The following GOLGB1 variants were observed in gnomAD, a reference collection of about 807,000 sequenced individuals.
GOLGB1 encodes the protein golgin B1, also known as golgin subfamily B member 1.
In GOLGB1, 174 loss-of-function variants were observed where a neutral mutation model predicts 336.9. The observed-to-expected ratio is 0.52, with a 90% CI of 0.46 to 0.59. The LOEUF (loss-of-function observed/expected upper bound fraction) is 0.59. Among genes scored for constraint, GOLGB1 ranks in the 20% least tolerant of loss-of-function variants. The pLI is 0.00. For synonymous variants in GOLGB1, 1,208 were observed against 1,289.2 expected, an observed-to-expected ratio of 0.94 and a Z score of 1.35; for missense variants, 3,331 against 3,645.3, an observed-to-expected ratio of 0.91 and a Z score of 2.22.
At chr3:121,686,843 A>G (rs1357225255) in intron 14 of GOLGB1, among the ~76,000 whole-genome samples, 1 of 152,214 alleles carries the variant, frequency 6.6e-6, no homozygotes, top group Non-Finnish European at 1.5e-5. Flanking sequence ...TTGGGAGAAC[A>G]TTTTGGCTGC....
rs1942973693 is a variant in GOLGB1 at position 121,696,649 on chromosome 3, C to A, written c.3874G>T (p.Asp1292Tyr). 1 of 1,614,028 alleles carries A rather than the reference C, an allele frequency of 6.2e-7. No homozygotes were observed. Among genetic ancestry groups the A allele is most frequent in the African/African-American group, 1.3e-5 (1 of 74,928 alleles). ...GCATCTTCAGAATGAGAAGGCCAGT[C>A]TGGGCACAAGTTGGACTCTAAAACA... is the stretch of plus-strand genomic sequence containing the variant. ...QPVLESNLCP[D>Y]WPSHSEDASA... The change falls in exon 13 of 22, where the codon GAC (aspartate) becomes TAC (tyrosine). Residue 1292 changes from aspartate to tyrosine, a missense_variant. Transcript: ENST00000614479.
chr3:121,701,619 TATG>T (rs1193502622), intron 11 of GOLGB1, among the ~76,000 whole-genome samples: 4 of 152,174 alleles, frequency 2.6e-5, no homozygotes, highest in Admixed American at 1.3e-4. Flanking sequence ...ACATGAAGCA[TATG>T]ATAAGTGGAA....
chr3:121,673,429 C>T (rs1327277967), intron 17 of GOLGB1, among the ~76,000 whole-genome samples: 5 of 152,094 alleles, frequency 3.3e-5, no homozygotes, highest in Non-Finnish European at 7.3e-5. Context: ...TGGTTACATA[C>T]ATATTAAATT....
intron 10 of GOLGB1, among the ~76,000 whole-genome samples, chr3:121,711,276 G>A (rs1024362092): frequency 1.3e-5 from 2 of 150,396 alleles, no homozygotes; most frequent in Non-Finnish European, 3.0e-5. Context: ...ACATAGCCTA[G>A]AAATATAAAA....
chr3:121,743,810 TAGAAAA>T (rs769869143), intron 1 of GOLGB1, among the ~76,000 whole-genome samples: 1 of 151,954 alleles, frequency 6.6e-6, no homozygotes, highest in Non-Finnish European at 1.5e-5. Flanking sequence ...CTCCAAAACA[TAGAAAA>T]AGAAAATGAA....
At position 121,690,873 on chromosome 3, in the gene GOLGB1, C is replaced by T. The variant is rs376943468; in HGVS notation, c.8491G>A (p.Asp2831Asn). The change falls in exon 14 of 22, where the codon GAT becomes AAT. Residue 2831 changes from aspartate to asparagine, a missense_variant. Coordinates refer to ENST00000614479, the MANE Select transcript of GOLGB1 (RefSeq NM_001366282.2). ...AAGGACTGCACTTGGTTATAAGAAT[C>T]TTCTAGTTGTGAGGACAAGTGAAGC... ...QLLHLSSQLE[D>N]SYNQVQSFSK... 5 of 1,613,980 alleles carry T rather than the reference C, an allele frequency of 3.1e-6. No homozygotes were observed. Among genetic ancestry groups the T allele is most frequent in the Non-Finnish European group, 3.4e-6 (4 of 1,179,956 alleles).
rs1942259193 is a variant in GOLGB1 at position 121,689,959 on chromosome 3, G to GT, written c.8694+710dup. 6.6e-5 allele frequency among the ~76,000 whole-genome samples: 10 copies of GT among 152,298 alleles called. No homozygotes were observed. In the South Asian group the frequency reaches 1.9e-3, roughly 28 times the overall value. On this transcript the variant is annotated intron_variant, in intron 14 of 21. Coordinates refer to ENST00000614479, the MANE Select transcript of GOLGB1 (RefSeq NM_001366282.2). ...ACCTGGCTTGGCTCATACAGTTCCA[G>GT]TTTTGCCCCTGAATCTTGGGAGACC...
rs1023576345 is a variant in GOLGB1 at position 121,718,557 on chromosome 3, T to C, written c.772-56A>G. 28 of 1,184,476 alleles carry C rather than the reference T, an allele frequency of 2.4e-5. No homozygotes were observed. The African/African-American group carries it at 4.1e-4, about 17-fold the overall frequency. The allele number at this position is 1,184,476 out of a possible 1,614,324, so 73.4% of individuals were successfully genotyped here. A position where few individuals can be genotyped will look rare whatever the true frequency, so the allele number is the denominator to read the frequency against. ...CTAACAAATGAGTGCTTGTATTTGC[T>C]TATCTTTCAAAATGTCATGTAGATT... On this transcript the variant is annotated intron_variant, in intron 7 of 21. Transcript: ENST00000614479.
At chr3:121,686,308 T>C (rs145904789) in intron 14 of GOLGB1, among the ~76,000 whole-genome samples, 8 of 152,310 alleles carry the variant, frequency 5.3e-5, no homozygotes, top group East Asian at 1.9e-4. Context: ...TGATGGCTAA[T>C]AGAAACCTCA....
Position 121,664,548 on chromosome 3 carries a change from G to T in GOLGB1, c.9727C>A (p.Leu3243Ile). The change falls in exon 22 of 22, where the codon CTT becomes ATT. Residue 3243 changes from leucine to isoleucine, a missense_variant. Leu to Ile is a conservative substitution (Grantham distance 5, BLOSUM62 2). Coordinates refer to ENST00000614479, the MANE Select transcript of GOLGB1 (RefSeq NM_001366282.2). ...SLCHSRTRVP[L>I]LAAIYFLMIH... is the part of the protein sequence containing the mutation. ...ATTAGAAAGTAGATGGCTGCTAGAA[G>T]TGGCACTCGGGTCCGTGAATGACAG... is the stretch of plus-strand genomic sequence containing the variant. 3 of 1,613,184 alleles carry T rather than the reference G, an allele frequency of 1.9e-6. No homozygotes were observed. The highest frequency in any genetic ancestry group is 2.5e-6 in the Non-Finnish European group (3 of 1,179,080).
At chr3:121,707,671 A>G (rs1344552085) in intron 10 of GOLGB1, among the ~76,000 whole-genome samples, 1 of 151,788 alleles carries the variant, frequency 6.6e-6, no homozygotes, top group East Asian at 1.9e-4. Flanking sequence ...AGTCCTTCAG[A>G]TAGAAGAAAA....
intron 17 of GOLGB1, among the ~76,000 whole-genome samples, chr3:121,675,612 C>G (rs1940268770): frequency 6.6e-6 from 1 of 152,142 alleles, no homozygotes; most frequent in African/African-American, 2.4e-5. Flanking sequence ...TAGGAGTGAA[C>G]AGAAGACACA....
chr3:121,745,899 A>G (rs1262754192), intron 1 of GOLGB1, among the ~76,000 whole-genome samples: 2 of 152,336 alleles, frequency 1.3e-5, no homozygotes, highest in Admixed American at 6.5e-5. Flanking sequence ...ACTGTTATCA[A>G]TGATTATTCT....
intron 11 of GOLGB1, among the ~76,000 whole-genome samples, chr3:121,700,550 A>C (rs1943314313): frequency 6.6e-6 from 1 of 152,106 alleles, no homozygotes; most frequent in African/African-American, 2.4e-5. Flanking sequence ...TATATTTTTT[A>C]CACTGTATCC....
At position 121,696,800 on chromosome 3, in the gene GOLGB1, G is replaced by C; in HGVS notation, c.3723C>G (p.Leu1241=). 1 of 1,614,070 alleles carries C rather than the reference G, an allele frequency of 6.2e-7. No homozygotes were observed. Among genetic ancestry groups the C allele is most frequent in the Non-Finnish European group, 8.5e-7 (1 of 1,179,966 alleles). ...CTATGGATTCCCTTACTTGAATCTGGAGTTGCCTTAGCTGGTCTCCAATAT... is the reference window on the plus strand; with the variant it reads ...CTATGGATTCCCTTACTTGAATCTGCAGTTGCCTTAGCTGGTCTCCAATAT... ...NENIGDQLRQ[L]QIQVRESIDG... Residue 1241 remains leucine, a synonymous_variant, in exon 13 of 22, where the codon CTC becomes CTG. Coordinates refer to ENST00000614479, the MANE Select transcript of GOLGB1 (RefSeq NM_001366282.2).
Position 121,681,773 on chromosome 3 carries a change from A to G in GOLGB1, c.8787T>C (p.Tyr2929=), listed in dbSNP as rs1428889465. The change falls in exon 15 of 22, where the codon TAT becomes TAC. Residue 2929 remains tyrosine (Y), a synonymous_variant. Coordinates refer to ENST00000614479, the MANE Select transcript of GOLGB1 (RefSeq NM_001366282.2). ...TCTGAAATGCTTTTGTCTTATCTTGATACTCCTGAAGTTGAGCCTTCAGTG... is the reference window on the plus strand; with the variant it reads ...TCTGAAATGCTTTTGTCTTATCTTGGTACTCCTGAAGTTGAGCCTTCAGTG... ...LHPLKAQLQE[Y]QDKTKAFQIM... 6.2e-7 allele frequency: 1 copy of G among 1,609,162 alleles called. No individual in the cohort carries two copies. Among genetic ancestry groups the G allele is most frequent in the East Asian group, 2.2e-5 (1 of 44,844 alleles).
At chr3:121,699,769 A>G (rs1019132389) in intron 12 of GOLGB1, 43 bp downstream of exon 12, 1 of 1,165,708 alleles carries the variant, frequency 8.6e-7, no homozygotes, top group African/African-American at 1.5e-5. Flanking sequence ...ACCTTCTCTT[A>G]ATCTAGCTCA....
At chr3:121,677,485 A>G in intron 15 of GOLGB1, 35 bp from the exon 16 acceptor site, 1 of 1,488,106 alleles carries the variant, frequency 6.7e-7, no homozygotes, top group Non-Finnish European at 9.4e-7. Flanking sequence ...AGGTAAAAAT[A>G]TACTTGTAAC....
At chr3:121,701,610 C>T (rs1358064073) in intron 11 of GOLGB1, among the ~76,000 whole-genome samples, 1 of 152,130 alleles carries the variant, frequency 6.6e-6, no homozygotes. Context: ...ATAAAGTCTA[C>T]ATGAAGCATA....
Sources: gnomAD v4.1 joint callset for allele counts (sites outside exome capture counted in the v4.1 genomes callset) on GRCh38, gnomAD v4.1.1 for gene constraint, MANE v1.5 for transcripts, NCBI Gene and HGNC (gene_info 2026-07-23, HGNC 2026-07-21) for gene names.